The following IGF1R variants were observed in gnomAD, a reference collection of about 807,000 sequenced individuals.
IGF1R encodes the protein insulin like growth factor 1 receptor.
Under a neutral mutation model 144.6 loss-of-function variants are expected in IGF1R, and 44 were observed. The observed-to-expected ratio is 0.30, with a 90% confidence interval of 0.24 to 0.39. IGF1R has a LOEUF of 0.39. IGF1R is among the 10% of genes least tolerant of loss of function. The probability of loss-of-function intolerance (pLI) is 1.00; values close to 1 mark genes in which losing one functional copy is unlikely to be tolerated. For missense variants in IGF1R, 1,355 were observed against 1,833.7 expected, an observed-to-expected ratio of 0.74 and a Z score of 4.77; for synonymous variants, 795 against 722.8, an observed-to-expected ratio of 1.10 and a Z score of -1.60.
intron 2 of IGF1R, among the ~76,000 whole-genome samples, chr15:98,795,461 C>A (rs1176075948): frequency 6.6e-6 from 1 of 151,650 alleles, no homozygotes; most frequent in Non-Finnish European, 1.5e-5. Context: ...GTTGCCCAGG[C>A]TGGAGTGCAG....
At chr15:98,864,189 A>G (rs1382375257) in intron 2 of IGF1R, among the ~76,000 whole-genome samples, 2 of 152,182 alleles carry the variant, frequency 1.3e-5, no homozygotes, top group East Asian at 1.9e-4. Flanking sequence ...CAGGAGGTCA[A>G]AGCTGCAGTG....
At chr15:98,657,192 T>A (rs2052505573) in intron 1 of IGF1R, among the ~76,000 whole-genome samples, 2 of 152,234 alleles carry the variant, frequency 1.3e-5, no homozygotes, top group Non-Finnish European at 2.9e-5. Context: ...AATAGAACTT[T>A]AAAGAACAGA....
rs986065634 is a variant in IGF1R, at chr15:98,960,618, C to T, written c.*3176C>T. 2.6e-5 allele frequency: 6 copies of T among 233,432 alleles called. No homozygotes were observed. The highest frequency in any genetic ancestry group is 2.2e-5 in the African/African-American group (1 of 45,352). The allele number at this position is 233,432 out of a possible 1,614,324, so 14.5% of individuals were successfully genotyped here. On this transcript the variant is annotated 3_prime_UTR_variant, in exon 21 of 21. Coordinates refer to ENST00000650285, the MANE Select transcript of IGF1R (RefSeq NM_000875.5). ...TGCTGCTCCATCCCTGCAGGAGGCT[C>T]GCGCTGAGGCAGGACCGTGCGGCCA...
At position 98,784,857 on chromosome 15, in the gene IGF1R, G is replaced by A. The variant is rs150164935; in HGVS notation, c.640+76750G>A. Reference sequence around the variant, plus strand: ...CGATGTGCATACGTTATATGCAAGCGCTGCCATTTTATTGCAGAGACTTGA... The same window carrying A: ...CGATGTGCATACGTTATATGCAAGCACTGCCATTTTATTGCAGAGACTTGA... On this transcript the variant is annotated intron_variant, in intron 2 of 20. Transcript: ENST00000650285. Among the ~76,000 whole-genome samples the A allele has an allele frequency of 5.3e-5, 8 of 152,288 alleles. No homozygotes were observed. The South Asian group carries it at 6.2e-4, about 12-fold the overall frequency.
chr15:98,701,073 G>A (rs576809314), intron 1 of IGF1R, among the ~76,000 whole-genome samples: 4 of 151,952 alleles, frequency 2.6e-5, no homozygotes, highest in South Asian at 2.1e-4. Flanking sequence ...GTTGTACTAA[G>A]TTATTGGTTC....
intron 2 of IGF1R, among the ~76,000 whole-genome samples, chr15:98,798,197 G>A (rs928343998): frequency 1.3e-5 from 2 of 152,196 alleles, no homozygotes; most frequent in African/African-American, 4.8e-5. Flanking sequence ...CATGTTAGGT[G>A]TGGGGTACAG....
Position 98,888,782 on chromosome 15 carries a change from G to A in IGF1R, c.641-2543G>A, listed in dbSNP as rs180877232. 1.6e-3 allele frequency among the ~76,000 whole-genome samples: 244 copies of A among 152,314 alleles called. 2 individuals carry two copies. Among genetic ancestry groups the A allele is most frequent in the Non-Finnish European group, 5.9e-4 (40 of 68,024 alleles). ...AGTTCAGTTGCATATATGAATAGCA[G>A]TCATTGAAACAAGATAAAAGTGTAT... is the stretch of plus-strand genomic sequence containing the variant. On this transcript the variant is annotated intron_variant, in intron 2 of 20. Transcript: ENST00000650285.
intron 10 of IGF1R, among the ~76,000 whole-genome samples, chr15:98,920,428 T>A (rs28694767): frequency 0.15 from 22,740 of 152,270 alleles, 2,137 homozygotes; most frequent in Non-Finnish European, 0.22. Flanking sequence ...GGGGGTGGGC[T>A]GAGCCGGGAG....
At chr15:98,762,712 G>C (rs1403882582) in intron 2 of IGF1R, among the ~76,000 whole-genome samples, 1 of 152,070 alleles carries the variant, frequency 6.6e-6, no homozygotes, top group Non-Finnish European at 1.5e-5. Context: ...TGGGCAGTGA[G>C]TGAAACTCTG....
intron 2 of IGF1R, among the ~76,000 whole-genome samples, chr15:98,857,369 C>T (rs990355850): frequency 1.4e-4 from 21 of 152,172 alleles, no homozygotes; most frequent in Admixed American, 7.9e-4. Context: ...CAGGCATGTG[C>T]CACCACACCC....
intron 1 of IGF1R, among the ~76,000 whole-genome samples, chr15:98,661,858 TCTC>T (rs1416902483): frequency 1.3e-5 from 2 of 152,080 alleles, no homozygotes; most frequent in Admixed American, 6.5e-5. Flanking sequence ...TCTCTTTTTT[TCTC>T]CTCCTCATGG....
chr15:98,899,158 G>GTTC (rs1567185149), intron 4 of IGF1R, among the ~76,000 whole-genome samples: 2 of 152,186 alleles, frequency 1.3e-5, no homozygotes, highest in African/African-American at 2.4e-5. Flanking sequence ...ATTAAAAGAC[G>GTTC]TTCCCTACAT....
intron 2 of IGF1R, among the ~76,000 whole-genome samples, chr15:98,744,162 A>G (rs891528506): frequency 2.0e-4 from 31 of 151,994 alleles, no homozygotes; most frequent in African/African-American, 7.0e-4. Context: ...AATTCTGGGG[A>G]TGGAGCTTAA....
At chr15:98,699,807 T>TG (rs1220856375) in intron 1 of IGF1R, among the ~76,000 whole-genome samples, 1 of 152,168 alleles carries the variant, frequency 6.6e-6, no homozygotes, top group Admixed American at 6.5e-5. Context: ...GCATGATGTG[T>TG]GGGTGGCTCT....
Position 98,740,643 on chromosome 15 carries a change from C to T in IGF1R, c.640+32536C>T, listed in dbSNP as rs576123829. Among the ~76,000 whole-genome samples, 275 of 152,254 alleles carry T rather than the reference C, an allele frequency of 1.8e-3. 1 individual carries two copies. Among genetic ancestry groups the T allele is most frequent in the African/African-American group, 6.5e-3 (268 of 41,542 alleles). ...AAATGTTTTATTAACAATAAATATG[C>T]GGCTTACCATATCTGTAGGGCACAG... is the stretch of plus-strand genomic sequence containing the variant. On this transcript the variant is annotated intron_variant, in intron 2 of 20. Transcript: ENST00000650285.
In IGF1R at chr15:98,829,101, T is replaced by TA. The variant is rs548872513; in HGVS notation, c.641-62219dup. On this transcript the variant is annotated intron_variant, in intron 2 of 20. Transcript: ENST00000650285. Reference sequence around the variant, plus strand: ...TCCAAATAGAAAAACTTTATTAATTTAAAAATAACCGCCAATTCAGACTTC... The same window carrying TA: ...TCCAAATAGAAAAACTTTATTAATTTAAAAAATAACCGCCAATTCAGACTTC... Among the ~76,000 whole-genome samples, 379 of 152,216 alleles carry TA rather than the reference T, an allele frequency of 2.5e-3. 3 individuals are homozygous for TA. The highest frequency in any genetic ancestry group is 8.6e-3 in the African/African-American group (357 of 41,552).
intron 2 of IGF1R, among the ~76,000 whole-genome samples, chr15:98,818,226 G>A (rs1035868052): frequency 4.6e-5 from 7 of 152,156 alleles, no homozygotes; most frequent in African/African-American, 1.4e-4. Context: ...GGAGGTGGCC[G>A]GGGATGAGAC....
intron 2 of IGF1R, among the ~76,000 whole-genome samples, chr15:98,794,510 G>C (rs969562299): frequency 1.3e-5 from 2 of 152,136 alleles, no homozygotes; most frequent in African/African-American, 4.8e-5. Context: ...GATTCTCCAG[G>C]ATGGCCCCAT....
At chr15:98,922,539 C>G (rs1226250410) in intron 11 of IGF1R, 108 bp downstream of exon 11, 4 of 1,327,660 alleles carry the variant, frequency 3.0e-6, no homozygotes, top group Middle Eastern at 2.6e-4. Flanking sequence ...CCCTTAGACC[C>G]AGGCCTGCCT....
Sources: gnomAD v4.1 joint callset for allele counts (sites outside exome capture counted in the v4.1 genomes callset) on GRCh38, gnomAD v4.1.1 for gene constraint, MANE v1.5 for transcripts, NCBI Gene and HGNC (gene_info 2026-07-23, HGNC 2026-07-21) for gene names.